The following SMURF2 variants were observed in gnomAD, a reference collection of about 807,000 sequenced individuals.
SMURF2 encodes E3 ubiquitin-protein ligase SMURF2.
SMURF2 carries 48 observed loss-of-function variants against 109.6 expected under a neutral mutation model. The observed-to-expected ratio is 0.44, with a 90% CI of 0.35 to 0.56. SMURF2 has a LOEUF of 0.56. Ranked by LOEUF, SMURF2 falls within the 20% of genes least tolerant of loss-of-function variation. SMURF2 has a pLI of 0.01. For synonymous variants in SMURF2, 288 were observed against 317.1 expected, an observed-to-expected ratio of 0.91 and a Z score of 0.97; for missense variants, 575 against 909.0, an observed-to-expected ratio of 0.63 and a Z score of 4.72.
intron 1 of SMURF2, among the ~76,000 whole-genome samples, chr17:64,620,340 G>A (rs1181242315): frequency 6.6e-6 from 1 of 152,110 alleles, no homozygotes; most frequent in Non-Finnish European, 1.5e-5. Flanking sequence ...TGAATGTTTT[G>A]GCTCACCCCT....
At chr17:64,593,679 A>G in intron 3 of SMURF2, 106 bp from the exon 4 acceptor site, 1 of 933,758 alleles carries the variant, frequency 1.1e-6, no homozygotes, top group Non-Finnish European at 1.5e-6. Context: ...ATGCTTCAGA[A>G]TCTGGCTAGA....
intron 16 of SMURF2, 86 bp downstream of exon 16, chr17:64,551,498 A>G: frequency 7.1e-7 from 1 of 1,411,734 alleles, no homozygotes; most frequent in Non-Finnish European, 9.8e-7. Context: ...AGCACCAGAA[A>G]TATGCTTTCC....
rs570954032 is a variant in SMURF2 at position 64,570,887 on chromosome 17, C to A, written c.1016+911G>T. The stretch of plus-strand genomic sequence containing the variant: ...CCACGACCTCCTGAGCTCAAGAGAT[C>A]CTCCCACCTCGGTGTCCTGAGTAGC... On this transcript the variant is annotated intron_variant, in intron 10 of 18. Coordinates refer to ENST00000262435, the MANE Select transcript of SMURF2 (RefSeq NM_022739.4). 2.0e-5 allele frequency among the ~76,000 whole-genome samples: 3 copies of A among 152,238 alleles called. No homozygotes were observed. The East Asian group carries it at 5.8e-4, about 29-fold the overall frequency.
At chr17:64,568,606 T>G (rs538405803) in intron 10 of SMURF2, among the ~76,000 whole-genome samples, 1 of 152,274 alleles carries the variant, frequency 6.6e-6, no homozygotes, top group South Asian at 2.1e-4. Context: ...TAACAAACAA[T>G]TAAGATACAA....
intron 9 of SMURF2, among the ~76,000 whole-genome samples, chr17:64,577,187 T>C (rs1969505031): frequency 6.6e-6 from 1 of 151,980 alleles, no homozygotes; most frequent in African/African-American, 2.4e-5. Flanking sequence ...ATAGACTGGA[T>C]TAAGGGCACA....
chr17:64,578,422 T>C, intron 9 of SMURF2, 70 bp downstream of exon 9: 1 of 1,073,618 alleles, frequency 9.3e-7, no homozygotes, highest in Non-Finnish European at 1.4e-6. Context: ...AAAAATTTCT[T>C]AAAAATCAAA....
chr17:64,651,020 T>C (rs1304357771), intron 1 of SMURF2, among the ~76,000 whole-genome samples: 1 of 151,188 alleles, frequency 6.6e-6, no homozygotes, highest in African/African-American at 2.4e-5. Flanking sequence ...AAGAACAGCC[T>C]GGCCAACACA....
At chr17:64,546,381 G>A in intron 17 of SMURF2, 43 bp from the exon 18 acceptor site, 1 of 1,556,450 alleles carries the variant, frequency 6.4e-7, no homozygotes. Flanking sequence ...GCAGGTGCGT[G>A]CATTAGTCTC....
intron 1 of SMURF2, among the ~76,000 whole-genome samples, chr17:64,658,705 TG>T (rs1970735617): frequency 6.6e-6 from 1 of 152,232 alleles, no homozygotes; most frequent in South Asian, 2.1e-4. Context: ...TTCCAGCCTT[TG>T]GTTTTCAGAA....
Position 64,545,696 on chromosome 17 carries a change from C to T in SMURF2, c.*152G>A, listed in dbSNP as rs1471475111. On this transcript the variant is annotated 3_prime_UTR_variant, in exon 19 of 19. Coordinates refer to ENST00000262435, the MANE Select transcript of SMURF2 (RefSeq NM_022739.4). Reference sequence around the variant, plus strand: ...AAGGAATTTCAAAATTGTCCTTTCCCCTCACAGTGTCCTAAAATGTAAAAA... The same window carrying T: ...AAGGAATTTCAAAATTGTCCTTTCCTCTCACAGTGTCCTAAAATGTAAAAA... 4.5e-6 allele frequency: 2 copies of T among 444,714 alleles called. No individual in the cohort carries two copies. The highest frequency in any genetic ancestry group is 8.0e-6 in the Non-Finnish European group (2 of 250,456). 27.5% of individuals were successfully genotyped at this position (444,714 alleles called of 1,614,324 possible). A position where few individuals can be genotyped will look rare whatever the true frequency, so the allele number is the denominator to read the frequency against.
intron 1 of SMURF2, among the ~76,000 whole-genome samples, chr17:64,646,604 A>G (rs1970563147): frequency 6.6e-6 from 1 of 151,732 alleles, no homozygotes; most frequent in Non-Finnish European, 1.5e-5. Context: ...GCTGGTCTCG[A>G]ATTCATGAGC....
chr17:64,602,243 G>A (rs1435488663), intron 2 of SMURF2, among the ~76,000 whole-genome samples: 4 of 151,526 alleles, frequency 2.6e-5, no homozygotes, highest in African/African-American at 9.7e-5. Flanking sequence ...TTGGGTGATG[G>A]GTCCACCAGA....
At chr17:64,546,407 A>T in intron 17 of SMURF2, 69 bp from the exon 18 acceptor site, 1 of 1,380,580 alleles carries the variant, frequency 7.2e-7, no homozygotes, top group East Asian at 2.4e-5. Flanking sequence ...TCTTAAGAAT[A>T]AAACTGGTAA....
chr17:64,620,325 G>GT (rs1970184956), intron 1 of SMURF2, among the ~76,000 whole-genome samples: 1 of 152,174 alleles, frequency 6.6e-6, no homozygotes, highest in Admixed American at 6.5e-5. Flanking sequence ...CAGAAAAACT[G>GT]TAAGTGAATG....
In SMURF2 at chr17:64,544,104, T is replaced by TA. The variant is rs1402171975; in HGVS notation, c.*1743dup. ...AAAGCAGCAAAATCTCCACTTTTTTTATCCCATCCATTCCTCCCCGCCCCA... is the reference window on the plus strand; with the variant it reads ...AAAGCAGCAAAATCTCCACTTTTTTTAATCCCATCCATTCCTCCCCGCCCCA... On this transcript the variant is annotated 3_prime_UTR_variant, in exon 19 of 19. Transcript: ENST00000262435. The TA allele has an allele frequency of 1.3e-5, 2 of 152,206 alleles. No individual in the cohort carries two copies. Among genetic ancestry groups the TA allele is most frequent in the Admixed American group, 6.5e-5 (1 of 15,270 alleles). The allele number at this position is 152,206 out of a possible 1,614,324, so 9.4% of individuals were successfully genotyped here. A position where few individuals can be genotyped will look rare whatever the true frequency, so the allele number is the denominator to read the frequency against.
In SMURF2 at chr17:64,658,535, T is replaced by C. The variant is rs143454479; in HGVS notation, c.52+3294A>G. 9.7e-3 allele frequency among the ~76,000 whole-genome samples: 1,473 copies of C among 152,292 alleles called. 14 individuals are homozygous for C. The highest frequency in any genetic ancestry group is 0.016 in the Non-Finnish European group (1,058 of 68,030). On this transcript the variant is annotated intron_variant, in intron 1 of 18. Transcript: ENST00000262435. ...CCTTACATTATAGACAAGGTTAACC[T>C]CCTTATTGCCAAGGGCTTTGAAATT...
chr17:64,577,978 CT>C (rs1555686215), intron 9 of SMURF2, among the ~76,000 whole-genome samples: 1 of 141,482 alleles, frequency 7.1e-6, no homozygotes, highest in African/African-American at 2.7e-5. Flanking sequence ...CAGAGTCTCG[CT>C]CTGTGGCCAG....
At chr17:64,607,685 T>C (rs1969988689) in intron 1 of SMURF2, among the ~76,000 whole-genome samples, 2 of 151,318 alleles carry the variant, frequency 1.3e-5, no homozygotes, top group African/African-American at 4.9e-5. Flanking sequence ...AATTACTGCT[T>C]ACAGGCTGGG....
At chr17:64,653,674 C>G (rs1349870416) in intron 1 of SMURF2, among the ~76,000 whole-genome samples, 1 of 152,092 alleles carries the variant, frequency 6.6e-6, no homozygotes, top group Admixed American at 6.6e-5. Context: ...TCTCAAACTC[C>G]TGGGCTCAAG....
Sources: allele counts gnomAD v4.1 joint callset (sites outside exome capture counted in the v4.1 genomes callset), GRCh38; gene constraint gnomAD v4.1.1; transcripts MANE v1.5; gene names NCBI Gene and HGNC (gene_info 2026-07-23, HGNC 2026-07-21).